Variants in ABHD18 observed in about 807,000 individuals in gnomAD.
ABHD18 encodes cardiolipin-specific deacylase, mitochondrial.
In ABHD18, 55 loss-of-function variants were observed where a neutral mutation model predicts 65.9. The ratio of observed to expected loss-of-function variants is 0.84; its 90% CI spans 0.67 to 1.05. The LOEUF is 1.05. Among genes scored for constraint, ABHD18 ranks in the 50% least tolerant of loss-of-function variants. The probability of loss-of-function intolerance (pLI) is 0.00; values close to 1 mark genes in which losing one functional copy is unlikely to be tolerated. For missense variants in ABHD18, 533 were observed against 558.5 expected (o/e 0.95, Z 0.46); for synonymous variants, 181 against 180.2 (o/e 1.00, Z -0.04).
intron 4 of ABHD18, among the ~76,000 whole-genome samples, chr4:127,995,202 A>C (rs1369497916): frequency 6.6e-6 from 1 of 152,216 alleles, no homozygotes. Context: ...TAAATTATGC[A>C]TACTTGCAAA....
Position 127,984,325 on chromosome 4 carries a change from CT to C in ABHD18, c.93-11del. 6.6e-7 allele frequency: 1 copy of C among 1,522,966 alleles called. No individual in the cohort carries two copies. Among genetic ancestry groups the C allele is most frequent in the Non-Finnish European group, 8.9e-7 (1 of 1,124,162 alleles). 94.3% of individuals were successfully genotyped at this position (1,522,966 alleles called of 1,614,324 possible). ...AGATTAATTTTTTCCTTTTTGTCTT[CT>C]TTCCCATAATAGACTCTTTGAATTC... On this transcript the variant is annotated splice_polypyrimidine_tract_variant and intron_variant, in intron 2 of 12. Coordinates refer to ENST00000645843, the MANE Select transcript of ABHD18 (RefSeq NM_001358451.3).
At chr4:128,015,874 A>C (rs919674845) in intron 7 of ABHD18, among the ~76,000 whole-genome samples, 1 of 151,786 alleles carries the variant, frequency 6.6e-6, no homozygotes, top group Admixed American at 6.6e-5. Context: ...TAATTTGGTC[A>C]TTTTAGTAAT....
At position 128,033,524 on chromosome 4, in the gene ABHD18, C is replaced by CTTTTTTTTTTTTTTTTTTTTTTTT. The variant is rs869099600; in HGVS notation, c.1344-2218_1344-2217insTTTTTTTTTTTTTTTTTTTTTTTT. On this transcript the variant is annotated intron_variant, in intron 12 of 12. Transcript: ENST00000645843. ...GCAGGCTATCAGTTTCAAAGATAGT[C>CTTTTTTTTTTTTTTTTTTTTTTTT]TTTTTTTTTTTTTTTTTTTTGTCTT... Among the ~76,000 whole-genome samples the CTTTTTTTTTTTTTTTTTTTTTTTT allele has an allele frequency of 2.5e-4, 27 of 108,630 alleles. 3 individuals carry two copies. The East Asian group carries it at 4.0e-3, about 16-fold the overall frequency. 71.3% of individuals were successfully genotyped at this position (108,630 alleles called of 152,430 possible). A position where few individuals can be genotyped will look rare whatever the true frequency, so the allele number is the denominator to read the frequency against.
intron 4 of ABHD18, among the ~76,000 whole-genome samples, chr4:128,003,532 T>C (rs748642088): frequency 1.1e-4 from 17 of 151,878 alleles, no homozygotes; most frequent in Non-Finnish European, 2.2e-4. Context: ...AGAAAAGAAT[T>C]TTAAAAAGAA....
At chr4:128,021,443 C>G (rs1423103174) in intron 10 of ABHD18, among the ~76,000 whole-genome samples, 1 of 152,080 alleles carries the variant, frequency 6.6e-6, no homozygotes, top group Non-Finnish European at 1.5e-5. Flanking sequence ...GTGGGTTGAT[C>G]ACTTGAGGTC....
At chr4:127,994,042 T>C (rs1270371471) in intron 4 of ABHD18, among the ~76,000 whole-genome samples, 1 of 152,236 alleles carries the variant, frequency 6.6e-6, no homozygotes, top group Non-Finnish European at 1.5e-5. Flanking sequence ...TGATTCTGTC[T>C]CTTTTTCACA....
chr4:127,971,430 C>G (rs1746755574), intron 1 of ABHD18, among the ~76,000 whole-genome samples: 1 of 149,862 alleles, frequency 6.7e-6, no homozygotes. Context: ...TTTCCTCATG[C>G]CATAGCATGT....
At chr4:128,017,145 T>C (rs1755652738) in intron 7 of ABHD18, among the ~76,000 whole-genome samples, 1 of 152,192 alleles carries the variant, frequency 6.6e-6, no homozygotes, top group South Asian at 2.1e-4. Flanking sequence ...CTTGAACTCC[T>C]GACCTCAAGC....
chr4:128,022,071 G>A (rs1312939959), intron 10 of ABHD18, among the ~76,000 whole-genome samples: 2 of 152,128 alleles, frequency 1.3e-5, no homozygotes, highest in East Asian at 1.9e-4. Flanking sequence ...ACACACCGGG[G>A]CCTGTTGAGG....
chr4:128,015,965 T>G (rs957777687), intron 7 of ABHD18, among the ~76,000 whole-genome samples: 9 of 148,576 alleles, frequency 6.1e-5, no homozygotes, highest in African/African-American at 1.2e-4. Flanking sequence ...TTTTTTTTTT[T>G]TTTTTGAGAT....
chr4:128,031,048 G>A, intron 12 of ABHD18: 1 of 1,000,322 alleles, frequency 1.0e-6, no homozygotes, highest in Non-Finnish European at 1.2e-6. Flanking sequence ...AACATCTGTG[G>A]AATAATTTAG....
intron 4 of ABHD18, among the ~76,000 whole-genome samples, chr4:128,007,752 AAAAT>A (rs1475335789): frequency 4.6e-5 from 7 of 151,902 alleles, no homozygotes; most frequent in Non-Finnish European, 8.8e-5. Flanking sequence ...AAAAAAAAAA[AAAAT>A]AGACAAATAG....
intron 8 of ABHD18, among the ~76,000 whole-genome samples, chr4:128,018,907 A>G (rs570767759): frequency 2.0e-5 from 3 of 151,058 alleles, no homozygotes; most frequent in East Asian, 3.9e-4. Context: ...CCAGCTACTC[A>G]GGAGGCTGAG....
intron 3 of ABHD18, among the ~76,000 whole-genome samples, chr4:127,985,444 A>G (rs1223576049): frequency 1.1e-4 from 17 of 152,262 alleles, no homozygotes; most frequent in East Asian, 1.9e-4. Flanking sequence ...ACAAAATTTT[A>G]TAGATTGAAA....
Position 128,009,121 on chromosome 4 carries a change from A to T in ABHD18, c.372A>T (p.Arg124=). The T allele has an allele frequency of 4.5e-6, 7 of 1,572,968 alleles. No homozygotes were observed. Among genetic ancestry groups the T allele is most frequent in the Non-Finnish European group, 6.0e-6 (7 of 1,168,190 alleles). The change falls in exon 6 of 13, where the codon CGA becomes CGT. Residue 124 remains arginine, a synonymous_variant. Transcript: ENST00000645843. ...AGTGDHHYWR[R]RTLMARPMIK... ...TCTTTCCTTAGCATTACTGGAGGCG[A>T]CGAACACTAATGGCCCGTCCTATGA...
intron 7 of ABHD18, among the ~76,000 whole-genome samples, chr4:128,013,014 G>A (rs762091981): frequency 8.2e-5 from 12 of 147,134 alleles, no homozygotes; most frequent in African/African-American, 2.0e-4. Flanking sequence ...TGCAGTGAGC[G>A]GATACCATGC....
chr4:128,035,965 A>C lies in ABHD18; in HGVS notation c.*152A>C, dbSNP rs1758846948. Reference sequence around the variant, plus strand: ...TCATTGTTACACATCAGTTAACTATAAACTTCGAATACATTTGAATAATTT... The same window carrying C: ...TCATTGTTACACATCAGTTAACTATCAACTTCGAATACATTTGAATAATTT... On this transcript the variant is annotated 3_prime_UTR_variant, in exon 13 of 13. Transcript: ENST00000645843. 2 of 441,042 alleles carry C rather than the reference A, an allele frequency of 4.5e-6. No homozygotes were observed. The highest frequency in any genetic ancestry group is 3.9e-5 in the African/African-American group (2 of 50,816). 27.3% of individuals were successfully genotyped at this position (441,042 alleles called of 1,614,324 possible).
Position 127,991,646 on chromosome 4 carries a change from T to C in ABHD18, c.278+1825T>C, listed in dbSNP as rs963858821. Among the ~76,000 whole-genome samples, 19 of 152,214 alleles carry C rather than the reference T, an allele frequency of 1.2e-4. 1 individual carries two copies. The highest frequency in any genetic ancestry group is 3.9e-4 in the African/African-American group (16 of 41,454). ...AAAGAACAAACTACTGTACTTTTTTTCCCCTACACTGTTGATAATAAACTA... is the reference window on the plus strand; with the variant it reads ...AAAGAACAAACTACTGTACTTTTTTCCCCCTACACTGTTGATAATAAACTA... On this transcript the variant is annotated intron_variant, in intron 4 of 12. Coordinates refer to ENST00000645843, the MANE Select transcript of ABHD18 (RefSeq NM_001358451.3).
intron 1 of ABHD18, among the ~76,000 whole-genome samples, chr4:127,971,254 C>CAAA (rs1295767524): frequency 2.7e-5 from 2 of 74,536 alleles, no homozygotes; most frequent in South Asian, 4.6e-4. Flanking sequence ...GACCCTGTCT[C>CAAA]AAAAAAAAAA....
Sources: allele counts gnomAD v4.1 joint callset (sites outside exome capture counted in the v4.1 genomes callset), GRCh38; gene constraint gnomAD v4.1.1; transcripts MANE v1.5; gene names NCBI Gene and HGNC (gene_info 2026-07-23, HGNC 2026-07-21).